Variants in VPS50 observed in about 807,000 individuals in gnomAD.
The protein encoded by VPS50 is syndetin.
In VPS50, 70 loss-of-function variants were observed where a neutral mutation model predicts 139.7. The observed-to-expected ratio is 0.50, with a 90% CI of 0.41 to 0.61. The LOEUF is 0.61. Among genes scored for constraint, VPS50 ranks in the 20% least tolerant of loss-of-function variants. The pLI is 0.00. For synonymous variants in VPS50, 365 were observed against 376.7 expected (o/e 0.97, Z 0.36); for missense variants, 921 against 1,133.7 (o/e 0.81, Z 2.69).
intron 14 of VPS50, among the ~76,000 whole-genome samples, chr7:93,296,464 A>G (rs1207717500): frequency 6.6e-6 from 1 of 152,094 alleles, no homozygotes; most frequent in African/African-American, 2.4e-5. Flanking sequence ...CTATGATAGA[A>G]TTTCTGGTAA....
intron 1 of VPS50, among the ~76,000 whole-genome samples, chr7:93,237,197 C>G (rs1214450037): frequency 6.6e-6 from 1 of 151,186 alleles, no homozygotes; most frequent in Non-Finnish European, 1.5e-5. Flanking sequence ...ACCTCGTGAT[C>G]CGCCCGCCTC....
At chr7:93,271,522 C>G (rs1343693341) in intron 10 of VPS50, among the ~76,000 whole-genome samples, 1 of 151,500 alleles carries the variant, frequency 6.6e-6, no homozygotes. Context: ...TAGGTGTGTT[C>G]TCATATAAAT....
chr7:93,258,082 G>A (rs1795544461), intron 6 of VPS50, 77 bp from the exon 7 acceptor site: 9 of 662,352 alleles, frequency 1.4e-5, no homozygotes, highest in Non-Finnish European at 1.9e-5. Flanking sequence ...TGCTTCATTA[G>A]TTACCTAATT....
intron 9 of VPS50, among the ~76,000 whole-genome samples, chr7:93,260,678 TTTG>T: frequency 8.9e-6 from 1 of 111,928 alleles, no homozygotes; most frequent in South Asian, 3.2e-4. Flanking sequence ...TACATGTTTT[TTTG>T]TTTGTTTGTT....
rs762941565 is a variant in VPS50, at chr7:93,355,977, T to C, written c.2672T>C (p.Leu891Pro). The change falls in exon 27 of 28, where the codon CTA (leucine) becomes CCA (proline). Residue 891 changes from leucine (L) to proline (P), a missense_variant. Transcript: ENST00000305866. ...FQQFLMKLEK[L>P]TDIRPIPDKE... The stretch of plus-strand genomic sequence containing the variant: ...CAGTTTTTAATGAAACTTGAAAAAC[T>C]AACAGATATTAGACCCATTCCTGAT... 1 of 1,597,134 alleles carries C rather than the reference T, an allele frequency of 6.3e-7. No homozygotes were observed.
At chr7:93,289,628 T>A (rs940796346) in intron 12 of VPS50, among the ~76,000 whole-genome samples, 1 of 152,122 alleles carries the variant, frequency 6.6e-6, no homozygotes, top group South Asian at 2.1e-4. Context: ...CATGTTTTCT[T>A]CTAGTATAGT....
intron 12 of VPS50, 31 bp downstream of exon 12, chr7:93,276,336 T>C (rs372559494): frequency 6.3e-7 from 1 of 1,575,618 alleles, no homozygotes; most frequent in East Asian, 2.2e-5. Flanking sequence ...TATTCATATA[T>C]CTCTCCTTTA....
intron 23 of VPS50, among the ~76,000 whole-genome samples, chr7:93,342,265 C>T (rs1798236485): frequency 6.6e-6 from 1 of 152,234 alleles, no homozygotes; most frequent in Non-Finnish European, 1.5e-5. Flanking sequence ...CTGTGCTTTT[C>T]CGACGGGCTT....
intron 1 of VPS50, among the ~76,000 whole-genome samples, chr7:93,234,224 G>C (rs951640745): frequency 4.5e-4 from 68 of 152,164 alleles, no homozygotes; most frequent in African/African-American, 1.6e-3. Context: ...AGCTGTGGTT[G>C]GTTTAGTTTT....
intron 24 of VPS50, among the ~76,000 whole-genome samples, chr7:93,349,418 A>G (rs1443905839): frequency 6.6e-6 from 1 of 152,134 alleles, no homozygotes; most frequent in Non-Finnish European, 1.5e-5. Context: ...GAGGGTTTGA[A>G]ACAGGTGAGT....
At chr7:93,285,934 A>G (rs1219994502) in intron 12 of VPS50, among the ~76,000 whole-genome samples, 1 of 152,146 alleles carries the variant, frequency 6.6e-6, no homozygotes, top group Non-Finnish European at 1.5e-5. Context: ...TGATCGCCAA[A>G]TTTATTAGAC....
At chr7:93,330,055 T>C (rs1797889425) in intron 21 of VPS50, among the ~76,000 whole-genome samples, 1 of 152,188 alleles carries the variant, frequency 6.6e-6, no homozygotes, top group Non-Finnish European at 1.5e-5. Context: ...TGTTTAACAC[T>C]GAAATCATAG....
At chr7:93,264,152 G>T (rs938262271) in intron 9 of VPS50, among the ~76,000 whole-genome samples, 1 of 152,170 alleles carries the variant, frequency 6.6e-6, no homozygotes, top group Non-Finnish European at 1.5e-5. Context: ...GTTGAAAAAT[G>T]AAACAGAAGT....
At chr7:93,262,499 T>C (rs963831031) in intron 9 of VPS50, among the ~76,000 whole-genome samples, 5 of 152,236 alleles carry the variant, frequency 3.3e-5, no homozygotes, top group African/African-American at 2.4e-5. Flanking sequence ...ATAAGAAGCA[T>C]GCTATGTTTA....
At chr7:93,328,733 A>G (rs1797854012) in intron 21 of VPS50, among the ~76,000 whole-genome samples, 1 of 152,174 alleles carries the variant, frequency 6.6e-6, no homozygotes, top group South Asian at 2.1e-4. Flanking sequence ...GAAAACCTGA[A>G]GTTTTTATGG....
chr7:93,338,962 G>A (rs1251186748), intron 22 of VPS50, among the ~76,000 whole-genome samples: 1 of 152,160 alleles, frequency 6.6e-6, no homozygotes, highest in Non-Finnish European at 1.5e-5. Flanking sequence ...AGAGGTGTCT[G>A]TTTAGGCATG....
chr7:93,299,683 T>G (rs1239930204), intron 16 of VPS50, among the ~76,000 whole-genome samples: 1 of 152,162 alleles, frequency 6.6e-6, no homozygotes, highest in South Asian at 2.1e-4. Flanking sequence ...GGTAGTTGTA[T>G]GAAAGTTTGC....
At chr7:93,282,065 G>A (rs1029027920) in intron 12 of VPS50, among the ~76,000 whole-genome samples, 50 of 152,082 alleles carry the variant, frequency 3.3e-4, no homozygotes, top group African/African-American at 7.0e-4. Context: ...TTAGCCGGGC[G>A]TGGTGGCGGG....
intron 1 of VPS50, among the ~76,000 whole-genome samples, chr7:93,237,059 G>T (rs1237171705): frequency 7.2e-6 from 1 of 138,458 alleles, no homozygotes; most frequent in Non-Finnish European, 1.5e-5. Flanking sequence ...CATGCCATTC[G>T]CCTGCCTCAG....
Sources: allele counts gnomAD v4.1 joint callset (sites outside exome capture counted in the v4.1 genomes callset), GRCh38; gene constraint gnomAD v4.1.1; transcripts MANE v1.5; gene names NCBI Gene and HGNC (gene_info 2026-07-23, HGNC 2026-07-21).